The following GFI1B variants were observed in gnomAD, a reference collection of about 807,000 sequenced individuals.
The protein encoded by GFI1B is zinc finger protein Gfi-1b.
Under a neutral mutation model 35.3 loss-of-function variants are expected in GFI1B, and 20 were observed. The ratio of observed to expected loss-of-function variants is 0.57; its 90% confidence interval spans 0.40 to 0.82. The LOEUF (loss-of-function observed/expected upper bound fraction) is 0.82, where lower values mean the gene tolerates loss of function less well. Among genes scored for constraint, GFI1B ranks in the 40% least tolerant of loss-of-function variants. The pLI is 0.00. For missense variants in GFI1B, 430 were observed against 446.3 expected (o/e 0.96, Z 0.33); for synonymous variants, 178 against 177.6 (o/e 1.00, Z -0.02).
At chr9:132,949,617 G>C (rs896594222) in intron 1 of GFI1B, 1 of 152,278 alleles carries the variant, frequency 6.6e-6, no homozygotes, top group Non-Finnish European at 1.5e-5. Context: ...TGGTCCCTGG[G>C]GGGGTTCATA....
upstream of GFI1B, among the ~76,000 whole-genome samples, chr9:132,973,850 T>C (rs1848575517): frequency 6.6e-6 from 1 of 152,166 alleles, no homozygotes. Flanking sequence ...CCTCTACACT[T>C]AAGCAACCTC....
chr9:132,959,943 A>G (rs1210689965), intron 1 of GFI1B, among the ~76,000 whole-genome samples: 1 of 151,940 alleles, frequency 6.6e-6, no homozygotes, highest in Non-Finnish European at 1.5e-5. Context: ...ATCTTCAAAG[A>G]CTCCCTTTCC....
chr9:132,986,662 T>C lies in GFI1B; in HGVS notation c.-17T>C. The C allele has an allele frequency of 6.6e-7, 1 of 1,522,064 alleles. No individual in the cohort carries two copies. Among genetic ancestry groups the C allele is most frequent in the African/African-American group, 1.4e-5 (1 of 73,278 alleles). The allele number at this position is 1,522,064 out of a possible 1,614,324, so 94.3% of individuals were successfully genotyped here. ...CTCCCATCCCTCCCCCTTGCAGGTG[T>C]GGGGTGCACACTGAAAATGCCACGC... is the stretch of plus-strand genomic sequence containing the variant. On this transcript the variant is annotated 5_prime_UTR_variant, in exon 2 of 7. Coordinates refer to ENST00000372122, the MANE Select transcript of GFI1B (RefSeq NM_001377304.1).
intron 1 of GFI1B, among the ~76,000 whole-genome samples, chr9:132,980,249 G>C (rs1033341788): frequency 6.6e-6 from 1 of 152,274 alleles, no homozygotes; most frequent in South Asian, 2.1e-4. Context: ...TTATTGGACA[G>C]TACAAGGATT....
chr9:132,990,039 A>G, intron 6 of GFI1B, 132 bp downstream of exon 6: 1 of 773,048 alleles, frequency 1.3e-6, no homozygotes, highest in Non-Finnish European at 2.2e-6. Flanking sequence ...CTGCTGATGG[A>G]GGGCTGGGCA....
chr9:132,987,867 C>G (rs2132643859), intron 3 of GFI1B, among the ~76,000 whole-genome samples: 1 of 152,232 alleles, frequency 6.6e-6, no homozygotes, highest in African/African-American at 2.4e-5. Context: ...TTTTTTGAGA[C>G]AGTGTCTCAC....
chr9:132,958,385 A>G (rs947066494), intron 1 of GFI1B, among the ~76,000 whole-genome samples: 1 of 152,222 alleles, frequency 6.6e-6, no homozygotes, highest in South Asian at 2.1e-4. Context: ...CCATAGCGGC[A>G]TCTGCTTCTG....
chr9:132,982,227 A>G (rs1194913205), intron 1 of GFI1B, among the ~76,000 whole-genome samples: 1 of 152,358 alleles, frequency 6.6e-6, no homozygotes, highest in East Asian at 1.9e-4. Context: ...ATTTTAGAGC[A>G]AAAGGGAAGT....
chr9:132,955,290 C>A (rs565900938), intron 1 of GFI1B, among the ~76,000 whole-genome samples: 1 of 152,068 alleles, frequency 6.6e-6, no homozygotes, highest in South Asian at 2.1e-4. Flanking sequence ...TTTCTTTCAG[C>A]ATTTTTTCTT....
At position 132,986,650 on chromosome 9, in the gene GFI1B, C is replaced by A; in HGVS notation, c.-20-9C>A. 7.1e-7 allele frequency: 1 copy of A among 1,404,888 alleles called. No homozygotes were observed. Among genetic ancestry groups the A allele is most frequent in the Non-Finnish European group, 1.0e-6 (1 of 996,766 alleles). 87.0% of individuals were successfully genotyped at this position (1,404,888 alleles called of 1,614,324 possible). ...CCTTCCTAACCGCTCCCATCCCTCCCCCTTGCAGGTGTGGGGTGCACACTG... is the reference window on the plus strand; with the variant it reads ...CCTTCCTAACCGCTCCCATCCCTCCACCTTGCAGGTGTGGGGTGCACACTG... On this transcript the variant is annotated splice_polypyrimidine_tract_variant and intron_variant, in intron 1 of 6. Transcript: ENST00000372122.
chr9:132,955,674 T>G (rs1848270954), intron 1 of GFI1B, among the ~76,000 whole-genome samples: 1 of 152,204 alleles, frequency 6.6e-6, no homozygotes, highest in Non-Finnish European at 1.5e-5. Context: ...ATTCTTACCT[T>G]TGTTCCTTTT....
chr9:132,965,823 C>A (rs1050394646), intron 1 of GFI1B, among the ~76,000 whole-genome samples: 4 of 152,186 alleles, frequency 2.6e-5, no homozygotes, highest in Admixed American at 2.6e-4. Context: ...CAAGAAATTT[C>A]TGTTGTTTTA....
At chr9:132,973,828 A>C (rs1370785591), upstream of GFI1B, among the ~76,000 whole-genome samples, 1 of 152,088 alleles carries the variant, frequency 6.6e-6, no homozygotes, top group East Asian at 1.9e-4. Context: ...TTCCTGCTCA[A>C]ACCCACCTCT....
At chr9:132,950,811 G>T (rs1390956760) in intron 1 of GFI1B, among the ~76,000 whole-genome samples, 1 of 143,854 alleles carries the variant, frequency 7.0e-6, no homozygotes, top group Non-Finnish European at 1.5e-5. Context: ...TTCTCTGTTT[G>T]TATGGGGTTT....
At chr9:132,988,073 C>T (rs930429423) in intron 3 of GFI1B, 124 bp from the exon 4 acceptor site, 83 of 836,980 alleles carry the variant, frequency 9.9e-5, no homozygotes, top group Middle Eastern at 2.2e-4. Flanking sequence ...CTTGAACTCC[C>T]GACCTCAAGT....
chr9:132,986,773 C>T lies in GFI1B; in HGVS notation c.95C>T (p.Thr32Ile), dbSNP rs1446582350. 5 of 1,606,092 alleles carry T rather than the reference C, an allele frequency of 3.1e-6. No homozygotes were observed. The highest frequency in any genetic ancestry group is 4.3e-6 in the Non-Finnish European group (5 of 1,174,774). Residue 32 changes from threonine (T) to isoleucine (I), a missense_variant, in exon 2 of 7, where the codon ACC becomes ATC. Thr to Ile is a moderately conservative substitution (Grantham distance 89). Transcript: ENST00000372122. The stretch of plus-strand genomic sequence containing the variant: ...GAACCGCTCTGGCCTCCTGCCCTTA[C>T]CCCGGGTGAGTCAGAGCCCGGGCTG... ...EDEPLWPPAL[T>I]PVPRDQAPSN...
chr9:132,983,487 A>G (rs1399361903), intron 1 of GFI1B, among the ~76,000 whole-genome samples: 2 of 151,758 alleles, frequency 1.3e-5, no homozygotes, highest in Non-Finnish European at 2.9e-5. Flanking sequence ...GAGCCACTGC[A>G]CCCGGCCTGA....
chr9:132,970,473 T>C (rs888440742), intron 1 of GFI1B, among the ~76,000 whole-genome samples: 14 of 152,114 alleles, frequency 9.2e-5, no homozygotes, highest in Non-Finnish European at 1.9e-4. Context: ...AGAGAGCTTG[T>C]TGGGAAGAGC....
At chr9:132,947,480 T>C (rs1263641102) in intron 1 of GFI1B, among the ~76,000 whole-genome samples, 2 of 150,140 alleles carry the variant, frequency 1.3e-5, no homozygotes, top group African/African-American at 4.9e-5. Flanking sequence ...ATCAACAGAT[T>C]CAGAGAGACT....
Sources: allele counts gnomAD v4.1 joint callset (sites outside exome capture counted in the v4.1 genomes callset), GRCh38; gene constraint gnomAD v4.1.1; transcripts MANE v1.5; gene names NCBI Gene and HGNC (gene_info 2026-07-23, HGNC 2026-07-21).